SDCCAG8: variants seen among roughly 807,000 people sequenced by gnomAD.
SDCCAG8 encodes SHH signaling and ciliogenesis regulator SDCCAG8.
In SDCCAG8, 74 loss-of-function variants were observed where a neutral mutation model predicts 101.8. That is an observed-to-expected ratio of 0.73 (90% CI 0.60 to 0.88). SDCCAG8 has a LOEUF of 0.88. Among genes scored for constraint, SDCCAG8 ranks in the 40% least tolerant of loss-of-function variants. The pLI is 0.00. For synonymous variants in SDCCAG8, 281 were observed against 292.9 expected (o/e 0.96, Z 0.41); for missense variants, 787 against 822.6 (o/e 0.96, Z 0.53).
At chr1:243,311,650 C>T (rs959435316) in intron 8 of SDCCAG8, among the ~76,000 whole-genome samples, 2 of 152,050 alleles carry the variant, frequency 1.3e-5, no homozygotes, top group Non-Finnish European at 2.9e-5. Context: ...CATAGTGGCT[C>T]ATGCCTGTAA....
rs556949544 is a variant in SDCCAG8 at position 243,297,761 on chromosome 1, T to C, written c.675+4542T>C. ...TGTGAGCCGCCTATTCAGATATCCT[T>C]CTTATTATTTTTATTAAGGTATGTA... On this transcript the variant is annotated intron_variant, in intron 6 of 17. Coordinates refer to ENST00000366541, the MANE Select transcript of SDCCAG8 (RefSeq NM_006642.5). Among the ~76,000 whole-genome samples, 26 of 152,334 alleles carry C rather than the reference T, an allele frequency of 1.7e-4. 2 individuals are homozygous for C. In the South Asian group the frequency reaches 5.4e-3, roughly 32 times the overall value.
intron 13 of SDCCAG8, among the ~76,000 whole-genome samples, chr1:243,412,266 A>G (rs2080235808): frequency 6.6e-6 from 1 of 152,128 alleles, no homozygotes; most frequent in African/African-American, 2.4e-5. Context: ...CCATTATCGT[A>G]TTACCTCTAG....
intron 13 of SDCCAG8, among the ~76,000 whole-genome samples, chr1:243,392,845 T>G (rs1047377998): frequency 2.0e-5 from 3 of 152,226 alleles, no homozygotes; most frequent in African/African-American, 7.2e-5. Context: ...CTGTTTTTCA[T>G]GTACAAAGGC....
At position 243,262,229 on chromosome 1, in the gene SDCCAG8, C is replaced by T. The variant is rs1401766685; in HGVS notation, c.67+5989C>T. Among the ~76,000 whole-genome samples the T allele has an allele frequency of 2.0e-5, 3 of 148,388 alleles. 1 individual carries two copies. On this transcript the variant is annotated intron_variant, in intron 1 of 17. Coordinates refer to ENST00000366541, the MANE Select transcript of SDCCAG8 (RefSeq NM_006642.5). ...TCAAGCGATTCTCCTGCCTCAGCCT[C>T]CCGAGTAGCTGTGATTACAGGTGCC...
chr1:243,317,444 C>A (rs1441838919), intron 9 of SDCCAG8, among the ~76,000 whole-genome samples: 1 of 151,960 alleles, frequency 6.6e-6, no homozygotes, highest in African/African-American at 2.4e-5. Context: ...CCTCAGCCTC[C>A]CAAGTAGCTG....
chr1:243,297,791 A>G (rs1049733420), intron 6 of SDCCAG8, among the ~76,000 whole-genome samples: 3 of 152,086 alleles, frequency 2.0e-5, no homozygotes, highest in Non-Finnish European at 2.9e-5. Context: ...TATGTATCTG[A>G]CATATTTATT....
intron 12 of SDCCAG8, among the ~76,000 whole-genome samples, chr1:243,375,565 T>C (rs963459501): frequency 6.6e-6 from 1 of 152,182 alleles, no homozygotes; most frequent in Non-Finnish European, 1.5e-5. Context: ...TTCTGGTGGT[T>C]ATAGTCATGA....
At chr1:243,415,920 C>T in intron 14 of SDCCAG8, 91 bp downstream of exon 14, 1 of 1,500,210 alleles carries the variant, frequency 6.7e-7, no homozygotes, top group Non-Finnish European at 9.1e-7. Flanking sequence ...CACCTGTAAC[C>T]TTTGGCTGGC....
chr1:243,465,198 G>A (rs997067269), intron 16 of SDCCAG8, among the ~76,000 whole-genome samples: 2 of 152,184 alleles, frequency 1.3e-5, no homozygotes, highest in Admixed American at 1.3e-4. Context: ...GGAGGGTCGG[G>A]GCTGGTGGGA....
intron 9 of SDCCAG8, among the ~76,000 whole-genome samples, chr1:243,321,658 C>CTT (rs540040354): frequency 6.7e-4 from 102 of 151,470 alleles, no homozygotes; most frequent in African/African-American, 2.4e-3. Flanking sequence ...GATTCCATGT[C>CTT]TTTTTTTTTG....
chr1:243,484,782 AC>A (rs1337242482), intron 16 of SDCCAG8, among the ~76,000 whole-genome samples: 1 of 152,204 alleles, frequency 6.6e-6, no homozygotes, highest in East Asian at 1.9e-4. Flanking sequence ...GCGGTGGCTC[AC>A]GCCTGTAATC....
intron 16 of SDCCAG8, among the ~76,000 whole-genome samples, chr1:243,447,247 TCAAAA>T (rs1168223292): frequency 5.6e-4 from 6 of 10,694 alleles, no homozygotes; most frequent in African/African-American, 2.0e-3. Context: ...AGACTTCGTC[TCAAAA>T]AAAAAAAAAA....
chr1:243,261,601 C>T (rs968018342), intron 1 of SDCCAG8, among the ~76,000 whole-genome samples: 1 of 152,186 alleles, frequency 6.6e-6, no homozygotes, highest in Non-Finnish European at 1.5e-5. Flanking sequence ...ACAATTTGGT[C>T]AGTGTATTAG....
intron 4 of SDCCAG8, among the ~76,000 whole-genome samples, chr1:243,284,653 G>A (rs1221937502): frequency 1.3e-5 from 2 of 152,096 alleles, no homozygotes; most frequent in East Asian, 1.9e-4. Context: ...TTTTTAGGCC[G>A]GTTAGGTGGC....
rs78424731 is a variant in SDCCAG8, at chr1:243,314,159, G to T, written c.930-2596G>T. Among the ~76,000 whole-genome samples the T allele has an allele frequency of 6.1e-3, 926 of 152,298 alleles. 11 individuals are homozygous for T. Among genetic ancestry groups the T allele is most frequent in the Non-Finnish European group, 7.3e-3 (497 of 68,032 alleles). ...AAATTGCCAAAATGACTACCTACCTGCAAGCTTCCCAGGTGGGCTCAAAGC... is the reference window on the plus strand; with the variant it reads ...AAATTGCCAAAATGACTACCTACCTTCAAGCTTCCCAGGTGGGCTCAAAGC... On this transcript the variant is annotated intron_variant, in intron 8 of 17. Transcript: ENST00000366541.
chr1:243,441,540 G>A (rs1053261238), intron 16 of SDCCAG8, among the ~76,000 whole-genome samples: 2 of 152,106 alleles, frequency 1.3e-5, no homozygotes, highest in African/African-American at 2.4e-5. Flanking sequence ...ATGGTAAATG[G>A]TGTGCCTAGG....
chr1:243,377,336 T>C (rs1055823120), intron 12 of SDCCAG8, among the ~76,000 whole-genome samples: 2 of 152,002 alleles, frequency 1.3e-5, no homozygotes, highest in Non-Finnish European at 2.9e-5. Flanking sequence ...TTTATTATTT[T>C]TATCTCTTTA....
rs1236419449 is a variant in SDCCAG8 at position 243,293,171 on chromosome 1, C to CA, written c.629dup (p.Asn210LysfsTer12). 6.2e-7 allele frequency: 1 copy of CA among 1,614,138 alleles called. No homozygotes were observed. Among genetic ancestry groups the CA allele is most frequent in the African/African-American group, 1.3e-5 (1 of 75,042 alleles). On this transcript the variant is annotated frameshift_variant, in exon 6 of 18. Transcript: ENST00000366541. LOFTEE classifies it high-confidence loss of function. Reference sequence around the variant, plus strand: ...CCTCCAAAAGACCATTTTCCCATGACAATGCAGATTTTGGCAAAGCTGCAT... The same window carrying CA: ...CCTCCAAAAGACCATTTTCCCATGACAAATGCAGATTTTGGCAAAGCTGCAT...
At chr1:243,450,870 G>C (rs1442114813) in intron 16 of SDCCAG8, among the ~76,000 whole-genome samples, 3 of 152,168 alleles carry the variant, frequency 2.0e-5, no homozygotes, top group Non-Finnish European at 4.4e-5. Flanking sequence ...TGTTGGCCAG[G>C]CTGGTCTTGA....
Sources: gnomAD v4.1 joint callset for allele counts (sites outside exome capture counted in the v4.1 genomes callset) on GRCh38, gnomAD v4.1.1 for gene constraint, MANE v1.5 for transcripts, NCBI Gene and HGNC (gene_info 2026-07-23, HGNC 2026-07-21) for gene names.